Variants in HYI observed in about 807,000 individuals in gnomAD.
HYI encodes the protein hydroxypyruvate isomerase (putative).
In HYI, 47 loss-of-function variants were observed where a neutral mutation model predicts 39.7. The ratio of observed to expected loss-of-function variants is 1.18; its 90% confidence interval spans 0.94 to 1.51. The LOEUF (loss-of-function observed/expected upper bound fraction) is 1.51. HYI is among the 40% of genes most tolerant of loss of function. HYI has a pLI of 0.00. For synonymous variants in HYI, 186 were observed against 158.8 expected (o/e 1.17, Z -1.29); for missense variants, 465 against 370.3 (o/e 1.26, Z -2.10).
chr1:43,452,131 G>A, intron 3 of HYI, 74 bp downstream of exon 3: 4 of 1,489,442 alleles, frequency 2.7e-6, no homozygotes, highest in Non-Finnish European at 9.3e-7. Flanking sequence ...CTCACGTGCT[G>A]TCCCCACTGT....
rs982772189 is a variant in HYI, at chr1:43,453,064, A to G, written c.311+322T>C. The G allele has an allele frequency of 5.9e-6, 6 of 1,021,588 alleles. No homozygotes were observed. The African/African-American group carries it at 6.3e-5, about 11-fold the overall frequency. 63.3% of individuals were successfully genotyped at this position (1,021,588 alleles called of 1,614,324 possible). On this transcript the variant is annotated intron_variant, in intron 2 of 7. Coordinates refer to ENST00000372430, the MANE Select transcript of HYI (RefSeq NM_001190880.3). ...AGCTTTCTCTGATCCAGACAGGGTT[A>G]GGTGCCTACCCTGCTCCCACAGCTT...
chr1:43,452,882 C>T, intron 2 of HYI: 1 of 1,583,570 alleles, frequency 6.3e-7, no homozygotes, highest in Non-Finnish European at 8.6e-7. Flanking sequence ...CCAGGCCTCC[C>T]CATCCCAACA....
In HYI at chr1:43,453,425, T is replaced by G; in HGVS notation, c.272A>C (p.Glu91Ala). 1 of 1,561,266 alleles carries G rather than the reference T, an allele frequency of 6.4e-7. No homozygotes were observed. Among genetic ancestry groups the G allele is most frequent in the Non-Finnish European group, 8.7e-7 (1 of 1,151,840 alleles). ...GGCTTTGGCATACCGCACGGCCTGC[T>G]CCAGTCCCTCTCGGAAGGCCGCCTG... is the stretch of plus-strand genomic sequence containing the variant. ...GRQAAFREGL[E>A]QAVRYAKALG... The change falls in exon 2 of 8, where the codon GAG (glutamate) becomes GCG (alanine). Residue 91 changes from glutamate (E) to alanine (A), a missense_variant. By Grantham distance (107) the Glu-to-Ala change is moderately radical. Coordinates refer to ENST00000372430, the MANE Select transcript of HYI (RefSeq NM_001190880.3).
chr1:43,452,573 G>C (rs916773427), intron 2 of HYI: 4 of 611,330 alleles, frequency 6.5e-6, no homozygotes, highest in Admixed American at 2.6e-5. Flanking sequence ...TCCTTCCCTC[G>C]GTCCTTCTCC....
chr1:43,452,560 C>T, intron 2 of HYI: 1 of 621,452 alleles, frequency 1.6e-6, no homozygotes, highest in South Asian at 1.8e-5. Context: ...TTTCCAAAAC[C>T]TTTCCTTCCC....
At chr1:43,452,584 G>A (rs553376906) in intron 2 of HYI, 35 of 606,582 alleles carry the variant, frequency 5.8e-5, no homozygotes, top group South Asian at 4.8e-4. Flanking sequence ...GTCCTTCTCC[G>A]CAACCTGTAA....
At position 43,451,434 on chromosome 1, in the gene HYI, C is replaced by G. The variant is rs369824095; in HGVS notation, c.736G>C (p.Val246Leu). 13 of 1,613,490 alleles carry G rather than the reference C, an allele frequency of 8.1e-6. No homozygotes were observed. Among genetic ancestry groups the G allele is most frequent in the Admixed American group, 3.3e-5 (2 of 60,008 alleles). Residue 246 changes from valine to leucine, a missense_variant, in exon 7 of 8, where the codon GTG becomes CTG. By Grantham distance (32) the Val-to-Leu change is conservative. Coordinates refer to ENST00000372430, the MANE Select transcript of HYI (RefSeq NM_001190880.3). Reference sequence around the variant, plus strand: ...CCTCGAGGCTGATACTCACAGCCCACGAAGCCTTTGTAGCCTTCATCTTCC... The same window carrying G: ...CCTCGAGGCTGATACTCACAGCCCAGGAAGCCTTTGTAGCCTTCATCTTCC... The part of the protein sequence containing the change: ...LLEDEGYKGF[V>L]GCEYQPRGDT...
In HYI at chr1:43,451,709, GA is replaced by G; in HGVS notation, c.563del (p.Phe188SerfsTer10). 1 of 1,614,148 alleles carries G rather than the reference GA, an allele frequency of 6.2e-7. No individual in the cohort carries two copies. The highest frequency in any genetic ancestry group is 2.2e-5 in the East Asian group (1 of 44,880). ...RPNLQLQMDI[F>X]HWQIMDGNLT... ...GGTTCCCATCCATGATCTGCCAGTG[GA>G]ATATGTCCTAGGGAAGAGGATACTA... On this transcript the variant is annotated frameshift_variant, in exon 6 of 8. Coordinates refer to ENST00000372430, the MANE Select transcript of HYI (RefSeq NM_001190880.3). LOFTEE classifies it high-confidence loss of function.
chr1:43,453,470 A>G lies in HYI; in HGVS notation c.227T>C (p.Leu76Pro). ...PGDQEKGEMG[L>P]GAVPGRQAAF... ...CGCCTGTCTCCCGGGGACGGCCCCCAGCCCCATTTCCCCCTTCTCTTGGTC... is the reference window on the plus strand; with the variant it reads ...CGCCTGTCTCCCGGGGACGGCCCCCGGCCCCATTTCCCCCTTCTCTTGGTC... Residue 76 changes from leucine (L) to proline (P), a missense_variant, in exon 2 of 8, where the codon CTG becomes CCG. By Grantham distance (98) the Leu-to-Pro change is moderately conservative. Coordinates refer to ENST00000372430, the MANE Select transcript of HYI (RefSeq NM_001190880.3). 1 of 1,561,068 alleles carries G rather than the reference A, an allele frequency of 6.4e-7. No individual in the cohort carries two copies. Among genetic ancestry groups the G allele is most frequent in the Non-Finnish European group, 8.7e-7 (1 of 1,151,726 alleles).
chr1:43,453,298 T>C (rs983639138), intron 2 of HYI, 88 bp downstream of exon 2: 3 of 852,920 alleles, frequency 3.5e-6, no homozygotes, highest in Admixed American at 2.7e-5. Context: ...CTCAGACTTC[T>C]GAGCGTCTCA....
Position 43,452,293 on chromosome 1 carries a change from G to T in HYI, c.338C>A (p.Pro113His), listed in dbSNP as rs1656526255. The change falls in exon 3 of 8, where the codon CCC (proline) becomes CAC (histidine). Residue 113 changes from proline to histidine, a missense_variant. Physicochemically the swap from Pro to His is moderately conservative, Grantham distance 77. Coordinates refer to ENST00000372430, the MANE Select transcript of HYI (RefSeq NM_001190880.3). ...GACTGCTATTCGATCAGCTCCCTGG[G>T]GTACTCGGCCAGCCATCAGGTGGAT... ...PRIHLMAGRV[P>H]QGADRIAVKA... 3 of 1,613,896 alleles carry T rather than the reference G, an allele frequency of 1.9e-6. No homozygotes were observed. The African/African-American group carries it at 4.0e-5, about 22-fold the overall frequency.
At chr1:43,453,523 C>T in intron 1 of HYI, 26 bp from the exon 2 acceptor site, 1 of 1,534,292 alleles carries the variant, frequency 6.5e-7, no homozygotes. Flanking sequence ...GCCTCAGCCC[C>T]CGGCTCGGAC....
chr1:43,453,562 C>G (rs1034392506), intron 1 of HYI, 33 bp downstream of exon 1: 4 of 1,514,056 alleles, frequency 2.6e-6, no homozygotes, highest in Middle Eastern at 1.8e-4. Context: ...CGGCACCCCC[C>G]AGCCCTCCCA....
downstream of HYI, chr1:43,450,629 G>T: frequency 8.1e-7 from 1 of 1,234,654 alleles, no homozygotes; most frequent in Non-Finnish European, 1.1e-6. This position sits in a 1 kb window ranked among gnomAD's most constrained non-coding sequence, Gnocchi z 4.3. Flanking sequence ...ATGTCTTGAG[G>T]GTCTGCTGCC....
In HYI at chr1:43,451,146, CAT is replaced by C. The variant is rs749198098; in HGVS notation, c.*90_*91del. 1.0e-5 allele frequency: 12 copies of C among 1,187,624 alleles called. No individual in the cohort carries two copies. The highest frequency in any genetic ancestry group is 1.5e-5 in the Non-Finnish European group (12 of 793,140). 73.6% of individuals were successfully genotyped at this position (1,187,624 alleles called of 1,614,324 possible). A position where few individuals can be genotyped will look rare whatever the true frequency, so the allele number is the denominator to read the frequency against. On this transcript the variant is annotated 3_prime_UTR_variant, in exon 8 of 8. Coordinates refer to ENST00000372430, the MANE Select transcript of HYI (RefSeq NM_001190880.3). ...GTGTCCCACCACCCCATTACAGAGACATATGACAATGTTCAGCAGGTCATCTT... is the reference window on the plus strand; with the variant it reads ...GTGTCCCACCACCCCATTACAGAGACATGACAATGTTCAGCAGGTCATCTT...
In HYI at chr1:43,453,302, C is replaced by A. The variant is rs74598418; in HGVS notation, c.311+84G>T. 1,757 of 862,944 alleles carry A rather than the reference C, an allele frequency of 2.0e-3. 24 individuals are homozygous for A. In the African/African-American group the frequency reaches 0.026, roughly 13 times the overall value. 53.5% of individuals were successfully genotyped at this position (862,944 alleles called of 1,614,324 possible). A position where few individuals can be genotyped will look rare whatever the true frequency, so the allele number is the denominator to read the frequency against. On this transcript the variant is annotated intron_variant, in intron 2 of 7. Transcript: ENST00000372430. ...AAACCAGTGGGCTCAGACTTCTGAG[C>A]GTCTCAGATCTGGCGTCCTCGACTC...
At chr1:43,452,529 A>G (rs1570764583) in intron 2 of HYI, 3 of 660,220 alleles carry the variant, frequency 4.5e-6, no homozygotes, top group Non-Finnish European at 8.4e-6. Flanking sequence ...GTGTCCACCC[A>G]CCGCCTCCTG....
At chr1:43,451,377 T>A (rs1656390460) in intron 7 of HYI, 33 bp downstream of exon 7, 1 of 1,611,730 alleles carries the variant, frequency 6.2e-7, no homozygotes, top group South Asian at 1.1e-5. Flanking sequence ...TCCGGGTCCC[T>A]CCAGAGCTCC....
In HYI at chr1:43,451,925, G is replaced by A; in HGVS notation, c.505+10C>T. 1 of 1,612,914 alleles carries A rather than the reference G, an allele frequency of 6.2e-7. No homozygotes were observed. Among genetic ancestry groups the A allele is most frequent in the Non-Finnish European group, 8.5e-7 (1 of 1,179,066 alleles). ...AAGGGACAGAAGGAGAGACAGGGCTGGGGTCGTACCCTGCTGGGGCGTGTC... is the reference window on the plus strand; with the variant it reads ...AAGGGACAGAAGGAGAGACAGGGCTAGGGTCGTACCCTGCTGGGGCGTGTC... On this transcript the variant is annotated intron_variant, in intron 4 of 7. Transcript: ENST00000372430.
Sources: gnomAD v4.1 joint callset for allele counts on GRCh38, gnomAD v4.1.1 for gene constraint, Gnocchi (gnomAD v3.1) non-coding constraint, MANE v1.5 for transcripts, NCBI Gene and HGNC (gene_info 2026-07-23, HGNC 2026-07-21) for gene names.